Variants in TRDN observed in about 807,000 individuals in gnomAD.
The protein encoded by TRDN is triadin in skeletal muscle.
TRDN carries 161 observed loss-of-function variants against 149.7 expected under a neutral mutation model. The ratio of observed to expected loss-of-function variants is 1.08; its 90% CI spans 0.95 to 1.23. The LOEUF is 1.23. Among genes scored for constraint, TRDN ranks in the 50% most tolerant of loss-of-function variants. The pLI, the probability that TRDN is intolerant of heterozygous loss-of-function variation, is 0.00. For missense variants in TRDN, 896 were observed against 823.5 expected (o/e 1.09, Z -1.08); for synonymous variants, 294 against 250.5 (o/e 1.17, Z -1.64).
chr6:123,604,334 C>T (rs2114659102), intron 1 of TRDN, among the ~76,000 whole-genome samples: 1 of 152,328 alleles, frequency 6.6e-6, no homozygotes, highest in Admixed American at 6.5e-5. Context: ...ACATTCATGA[C>T]ATTGCAGGTC....
chr6:123,497,277 C>T (rs914824806), intron 8 of TRDN, 25 bp from the exon 9 acceptor site: 2 of 1,471,228 alleles, frequency 1.4e-6, no homozygotes, highest in Non-Finnish European at 1.8e-6. Context: ...AGAAAAAGAG[C>T]AATGAAAAAA....
At chr6:123,500,703 G>C (rs958373035) in intron 8 of TRDN, among the ~76,000 whole-genome samples, 42 of 152,102 alleles carry the variant, frequency 2.8e-4, no homozygotes, top group Admixed American at 2.6e-3. Context: ...ATGATACCTA[G>C]TTGGTGTTCC....
intron 1 of TRDN, among the ~76,000 whole-genome samples, chr6:123,584,781 T>G (rs1263531972): frequency 1.3e-5 from 2 of 151,974 alleles, no homozygotes; most frequent in African/African-American, 4.8e-5. Flanking sequence ...ATGTTTGAGA[T>G]CCAGAACAGA....
intron 12 of TRDN, among the ~76,000 whole-genome samples, chr6:123,399,561 C>G (rs1772875912): frequency 6.6e-6 from 1 of 152,060 alleles, no homozygotes; most frequent in African/African-American, 2.4e-5. Context: ...AATGCAATAC[C>G]ATGGAAGATA....
intron 38 of TRDN, among the ~76,000 whole-genome samples, chr6:123,231,816 G>A (rs1775612136): frequency 6.6e-6 from 1 of 151,922 alleles, no homozygotes; most frequent in Non-Finnish European, 1.5e-5. Flanking sequence ...ATTAGGGTCC[G>A]GGACAAGTAA....
intron 4 of TRDN, among the ~76,000 whole-genome samples, chr6:123,546,012 T>C (rs1471810082): frequency 6.6e-6 from 1 of 152,154 alleles, no homozygotes. Context: ...TTTATCTGTT[T>C]TCCCTTCTTC....
intron 5 of TRDN, among the ~76,000 whole-genome samples, chr6:123,519,474 T>G (rs1207654846): frequency 1.9e-5 from 1 of 53,144 alleles, no homozygotes; most frequent in Non-Finnish European, 5.5e-5. Flanking sequence ...GACCCTGTGG[T>G]TTTTTTTTTT....
At chr6:123,410,106 G>T (rs1773369477) in intron 12 of TRDN, among the ~76,000 whole-genome samples, 1 of 152,172 alleles carries the variant, frequency 6.6e-6, no homozygotes, top group Non-Finnish European at 1.5e-5. Flanking sequence ...AGCTTTGGCA[G>T]GTTTAAGTGG....
At chr6:123,253,934 C>T (rs1288036587) in intron 37 of TRDN, among the ~76,000 whole-genome samples, 4 of 151,982 alleles carry the variant, frequency 2.6e-5, no homozygotes, top group Admixed American at 6.6e-5. Context: ...TACTGAAGTA[C>T]GAATAGATGG....
intron 9 of TRDN, among the ~76,000 whole-genome samples, chr6:123,474,623 T>C (rs1777364943): frequency 6.6e-6 from 1 of 152,036 alleles, no homozygotes; most frequent in South Asian, 2.1e-4. Context: ...AGAATATACA[T>C]TTTTTTCAGC....
intron 2 of TRDN, 55 bp downstream of exon 2, chr6:123,570,868 G>C: frequency 1.3e-6 from 2 of 1,547,460 alleles, no homozygotes; most frequent in African/African-American, 2.7e-5. Context: ...AGGGGACACT[G>C]TTTCTTTCCA....
chr6:123,547,226 T>G, intron 4 of TRDN, 114 bp downstream of exon 4: 1 of 640,626 alleles, frequency 1.6e-6, no homozygotes, highest in Non-Finnish European at 2.5e-6. Flanking sequence ...AATCTTGACC[T>G]AATTATTAAA....
At chr6:123,551,523 G>A (rs529882001) in intron 2 of TRDN, among the ~76,000 whole-genome samples, 1 of 151,804 alleles carries the variant, frequency 6.6e-6, no homozygotes, top group African/African-American at 2.4e-5. Context: ...AGATACTTAG[G>A]TAATTGTATT....
chr6:123,458,786 T>C (rs1261202418), intron 10 of TRDN, among the ~76,000 whole-genome samples: 1 of 152,074 alleles, frequency 6.6e-6, no homozygotes, highest in African/African-American at 2.4e-5. Flanking sequence ...CTAACCTTTG[T>C]ATGACAGTGT....
Position 123,585,209 on chromosome 6 carries a change from T to G in TRDN, c.23-14077A>C, listed in dbSNP as rs1270736884. On this transcript the variant is annotated intron_variant, in intron 1 of 40. Coordinates refer to ENST00000334268, the MANE Select transcript of TRDN (RefSeq NM_006073.4). ...TGGGAAGAAGGGCAGCAATGAGATG[T>G]AGCTGTAATCCAGGAATAGTCAGGG... Among the ~76,000 whole-genome samples, 5 of 150,516 alleles carry G rather than the reference T, an allele frequency of 3.3e-5. No homozygotes were observed. In the East Asian group the frequency reaches 1.0e-3, roughly 30 times the overall value.
intron 1 of TRDN, among the ~76,000 whole-genome samples, chr6:123,612,371 G>A (rs56135483): frequency 0.054 from 8,092 of 151,142 alleles, 230 homozygotes; most frequent in Non-Finnish European, 0.058. Context: ...TAACAAACCT[G>A]CACGTTGTGC....
intron 5 of TRDN, chr6:123,529,288 C>T: frequency 6.5e-7 from 1 of 1,548,890 alleles, no homozygotes; most frequent in Non-Finnish European, 8.7e-7. Flanking sequence ...GAGCTGTGTC[C>T]AACTTCTGTG....
intron 1 of TRDN, among the ~76,000 whole-genome samples, chr6:123,584,487 C>T (rs989845712): frequency 2.6e-5 from 4 of 152,170 alleles, no homozygotes; most frequent in African/African-American, 9.6e-5. Context: ...CCGCACTAAC[C>T]ATGCCTAGGA....
intron 8 of TRDN, among the ~76,000 whole-genome samples, chr6:123,499,719 A>AAAAAAAAAAAAAAAAAAAATATATATAT: frequency 2.1e-5 from 1 of 47,682 alleles, no homozygotes; most frequent in African/African-American, 7.1e-5. Flanking sequence ...AAAAAAAAAA[A>AAAAAAAAAAAAAAAAAAAATATATATAT]ATATATATAT....
Sources: allele counts gnomAD v4.1 joint callset (sites outside exome capture counted in the v4.1 genomes callset), GRCh38; gene constraint gnomAD v4.1.1; transcripts MANE v1.5; gene names NCBI Gene and HGNC (gene_info 2026-07-23, HGNC 2026-07-21).